Variants in GIGYF2 observed in about 807,000 individuals in gnomAD.
The protein encoded by GIGYF2 is GRB10 interacting GYF protein 2, also known as GRB10-interacting GYF protein 2.
GIGYF2 carries 25 observed loss-of-function variants against 208.1 expected under a neutral mutation model. The ratio of observed to expected loss-of-function variants is 0.12; its 90% CI spans 0.09 to 0.17. The LOEUF (loss-of-function observed/expected upper bound fraction) is 0.17. Among genes scored for constraint, GIGYF2 ranks in the 10% least tolerant of loss-of-function variants. GIGYF2 has a pLI of 1.00. For synonymous variants in GIGYF2, 534 were observed against 543.8 expected (o/e 0.98, Z 0.25); for missense variants, 1,302 against 1,579.4 (o/e 0.82, Z 2.98).
intron 28 of GIGYF2, among the ~76,000 whole-genome samples, chr2:232,854,873 C>T (rs964912933): frequency 6.6e-6 from 1 of 152,058 alleles, no homozygotes; most frequent in African/African-American, 2.4e-5. Flanking sequence ...AAGGACATTG[C>T]CTGTTTACTT....
At chr2:232,841,357 G>A (rs760305008) in intron 23 of GIGYF2, among the ~76,000 whole-genome samples, 10 of 151,920 alleles carry the variant, frequency 6.6e-5, no homozygotes, top group East Asian at 1.9e-4. Flanking sequence ...GTGCAGTGGC[G>A]CGATCTCGGC....
chr2:232,738,921 C>G (rs537618163), intron 3 of GIGYF2, among the ~76,000 whole-genome samples: 2 of 152,212 alleles, frequency 1.3e-5, no homozygotes, highest in Non-Finnish European at 2.9e-5. Flanking sequence ...TGACAAAACA[C>G]TAAGCACCGT....
chr2:232,795,482 T>C (rs1700197045), intron 13 of GIGYF2, among the ~76,000 whole-genome samples: 1 of 152,222 alleles, frequency 6.6e-6, no homozygotes, highest in Non-Finnish European at 1.5e-5. Context: ...GATAGTGTCT[T>C]AGTAAAACTT....
Position 232,844,168 on chromosome 2 carries a change from G to C in GIGYF2, c.3012G>C (p.Glu1004Asp). ...KPSGTTKSLL[E>D]IQQEEARQMQ... Reference sequence around the variant, plus strand: ...CAGGTACCACGAAATCTCTTCTGGAGATCCAGCAGGAAGAGGCCAGGCAAA... The same window carrying C: ...CAGGTACCACGAAATCTCTTCTGGACATCCAGCAGGAAGAGGCCAGGCAAA... The change falls in exon 24 of 29, where the codon GAG becomes GAC. Residue 1004 changes from glutamate (E) to aspartate (D), a missense_variant. Glu to Asp is a conservative substitution (Grantham distance 45). Around this residue, in one of 8 missense-constraint regions of GIGYF2, gnomAD observed 701 missense variants for 793.0 expected, o/e 0.88. Transcript: ENST00000373563. The C allele has an allele frequency of 5.8e-6, 9 of 1,564,998 alleles. No individual in the cohort carries two copies. The highest frequency in any genetic ancestry group is 7.8e-6 in the Non-Finnish European group (9 of 1,153,130).
intron 6 of GIGYF2, among the ~76,000 whole-genome samples, chr2:232,757,247 T>C (rs1698584512): frequency 6.6e-6 from 1 of 152,192 alleles, no homozygotes; most frequent in Non-Finnish European, 1.5e-5. Flanking sequence ...CCACTCAGAA[T>C]GTGGGAATCC....
intron 3 of GIGYF2, among the ~76,000 whole-genome samples, chr2:232,739,745 T>C (rs1697900023): frequency 6.6e-6 from 1 of 152,078 alleles, no homozygotes; most frequent in Non-Finnish European, 1.5e-5. Context: ...CCACCCAAAG[T>C]AGCTTTGCTA....
intron 8 of GIGYF2, chr2:232,767,224 T>G (rs1699009218): frequency 6.6e-6 from 1 of 152,218 alleles, no homozygotes; most frequent in African/African-American, 2.4e-5. Context: ...CTTTGTTGCC[T>G]AATTATCTTT....
At chr2:232,721,380 T>A (rs1696936378) in intron 2 of GIGYF2, among the ~76,000 whole-genome samples, 1 of 152,148 alleles carries the variant, frequency 6.6e-6, no homozygotes, top group African/African-American at 2.4e-5. Flanking sequence ...CTCTCCCTCG[T>A]GTTCATAAGA....
chr2:232,740,677 CTAATT>C (rs966986516), intron 3 of GIGYF2, among the ~76,000 whole-genome samples: 3 of 152,070 alleles, frequency 2.0e-5, no homozygotes, highest in Admixed American at 1.3e-4. Flanking sequence ...ATTTAGTTAA[CTAATT>C]TAGTTAATAA....
chr2:232,823,363 C>CTTTTTTTTTTTTTTTT lies in GIGYF2; in HGVS notation c.2529+3381_2529+3382insTTTTTTTTTTTTTTTT, dbSNP rs368386641. Among the ~76,000 whole-genome samples, 2 of 83,628 alleles carry CTTTTTTTTTTTTTTTT rather than the reference C, an allele frequency of 2.4e-5. 1 individual carries two copies. 54.9% of individuals were successfully genotyped at this position (83,628 alleles called of 152,430 possible). A position where few individuals can be genotyped will look rare whatever the true frequency, so the allele number is the denominator to read the frequency against. ...TTTTCTTTCTCTTTTTCCTTTCTTT[C>CTTTTTTTTTTTTTTTT]TTTCTTTTTTTTTTTTTTTATTGAG... On this transcript the variant is annotated intron_variant, in intron 21 of 28. Coordinates refer to ENST00000373563, the MANE Select transcript of GIGYF2 (RefSeq NM_001103146.3).
At chr2:232,827,208 G>GTTTTTTTTTTTTTTTTTTT (rs1166323037) in intron 21 of GIGYF2, among the ~76,000 whole-genome samples, 1 of 151,938 alleles carries the variant, frequency 6.6e-6, no homozygotes, top group Non-Finnish European at 1.5e-5. Context: ...TATAGACATT[G>GTTTTTTTTTTTTTTTTTTT]TTTTTTAAGA....
chr2:232,707,203 T>C (rs1014454980), intron 2 of GIGYF2, among the ~76,000 whole-genome samples: 6 of 152,318 alleles, frequency 3.9e-5, no homozygotes, highest in Admixed American at 1.3e-4. Flanking sequence ...TGTAGTGATA[T>C]TGTGGCTAGT....
intron 22 of GIGYF2, among the ~76,000 whole-genome samples, chr2:232,836,291 TA>T (rs1559160331): frequency 0.016 from 155 of 9,676 alleles, 25 homozygotes; most frequent in African/African-American, 0.033. Context: ...TATATATATA[TA>T]TATATATATA....
chr2:232,775,404 CAT>C (rs1462311017), intron 8 of GIGYF2, among the ~76,000 whole-genome samples: 1 of 152,136 alleles, frequency 6.6e-6, no homozygotes, highest in African/African-American at 2.4e-5. Context: ...TGTAAACAAA[CAT>C]ATTTCCACTT....
intron 14 of GIGYF2, among the ~76,000 whole-genome samples, chr2:232,800,473 GT>G (rs1256722665): frequency 6.6e-6 from 1 of 151,608 alleles, no homozygotes; most frequent in Non-Finnish European, 1.5e-5. Flanking sequence ...CTATTTTATT[GT>G]TCTATATGTC....
chr2:232,789,973 A>C (rs1247761492), intron 9 of GIGYF2, among the ~76,000 whole-genome samples: 1 of 151,984 alleles, frequency 6.6e-6, no homozygotes, highest in East Asian at 1.9e-4. Flanking sequence ...AAGAAGGGAG[A>C]GGAGTAAGTA....
chr2:232,711,708 T>TATATAC, intron 2 of GIGYF2, among the ~76,000 whole-genome samples: 1 of 140,154 alleles, frequency 7.1e-6, no homozygotes, highest in East Asian at 2.0e-4. Flanking sequence ...CAATGATGTA[T>TATATAC]ATATATATAT....
chr2:232,761,701 CTT>C, intron 8 of GIGYF2: 1 of 304,988 alleles, frequency 3.3e-6, no homozygotes, highest in Non-Finnish European at 6.1e-6. Context: ...TCTACTAACT[CTT>C]TTTCTAGTGT....
chr2:232,850,292 C>T lies in GIGYF2; in HGVS notation c.3715C>T (p.Leu1239Phe), dbSNP rs1462468821. 3 of 1,613,394 alleles carry T rather than the reference C, an allele frequency of 1.9e-6. No homozygotes were observed. The African/African-American group carries it at 4.0e-5, about 22-fold the overall frequency. ...TGTGTGGGGGATGAACCACAGTACA[C>T]TCCATTCAGTATTTCAGACCAATCA... ...DSVWGMNHST[L>F]HSVFQTNQSN... The change falls in exon 28 of 29, where the codon CTC becomes TTC. Residue 1239 changes from leucine (L) to phenylalanine (F), a missense_variant. Around this residue, in one of 8 missense-constraint regions of GIGYF2, gnomAD observed 701 missense variants for 793.0 expected, o/e 0.88. Coordinates refer to ENST00000373563, the MANE Select transcript of GIGYF2 (RefSeq NM_001103146.3).
Sources: gnomAD v4.1 joint callset for allele counts (sites outside exome capture counted in the v4.1 genomes callset) on GRCh38, gnomAD v4.1.1 for gene constraint, gnomAD v4.1.1 regional missense constraint, MANE v1.5 for transcripts, NCBI Gene and HGNC (gene_info 2026-07-23, HGNC 2026-07-21) for gene names.